PFKFB3: variants seen among roughly 807,000 people sequenced by gnomAD.
PFKFB3 encodes 6-phosphofructo-2-kinase/fructose-2,6-biphosphatase 3.
In PFKFB3, 33 loss-of-function variants were observed where a neutral mutation model predicts 68.0. The ratio of observed to expected loss-of-function variants is 0.49; its 90% CI spans 0.37 to 0.65. The LOEUF is 0.65. PFKFB3 is among the 30% of genes least tolerant of loss of function. The pLI, the probability that PFKFB3 is intolerant of heterozygous loss-of-function variation, is 0.00. For synonymous variants in PFKFB3, 315 were observed against 288.2 expected, an observed-to-expected ratio of 1.09 and a Z score of -0.94; for missense variants, 586 against 712.2, an observed-to-expected ratio of 0.82 and a Z score of 2.02.
Position 6,224,160 on chromosome 10 carries a change from G to A in PFKFB3, c.1288G>A (p.Glu430Lys). 6.2e-7 allele frequency: 1 copy of A among 1,614,132 alleles called. No individual in the cohort carries two copies. Among genetic ancestry groups the A allele is most frequent in the Non-Finnish European group, 8.5e-7 (1 of 1,179,998 alleles). Residue 430 changes from glutamate (E) to lysine (K), a missense_variant, in exon 13 of 15, where the codon GAA becomes AAA. Transcript: ENST00000379775. The part of the protein sequence containing the change: ...LTPVAYGCRV[E>K]SIYLNVESVC... ...CCCACGCCCTCCAGGCTGCCGTGTGGAATCCATCTACCTGAACGTGGAGTC... is the reference window on the plus strand; with the variant it reads ...CCCACGCCCTCCAGGCTGCCGTGTGAAATCCATCTACCTGAACGTGGAGTC...
At chr10:6,163,583 T>C (rs605015) in intron 1 of PFKFB3, among the ~76,000 whole-genome samples, 35,807 of 151,780 alleles carry the variant, frequency 0.24, 4,481 homozygotes, top group East Asian at 0.28. Flanking sequence ...GGTGCGCGCC[T>C]CCACCCTCCA....
chr10:6,204,657 T>C (rs1410444195), intron 1 of PFKFB3, among the ~76,000 whole-genome samples: 1 of 152,208 alleles, frequency 6.6e-6, no homozygotes, highest in Non-Finnish European at 1.5e-5. Flanking sequence ...GTGGGTGTGT[T>C]GCCCAGCCCA....
the PFKFB3 span, among the ~76,000 whole-genome samples, chr10:6,303,996 G>A: frequency 2.0e-5 from 3 of 152,064 alleles, no homozygotes; most frequent in African/African-American, 7.2e-5. Context: ...GGACGGCAGA[G>A]ACACAAGATG....
At chr10:6,198,298 A>G (rs1420422201), upstream of PFKFB3, among the ~76,000 whole-genome samples, 1 of 151,690 alleles carries the variant, frequency 6.6e-6, no homozygotes, top group Non-Finnish European at 1.5e-5. Context: ...TGCCCACAGG[A>G]GATGGAGTGA....
chr10:6,159,470 G>A (rs1469792003), intron 1 of PFKFB3, among the ~76,000 whole-genome samples: 1 of 151,630 alleles, frequency 6.6e-6, no homozygotes, highest in Admixed American at 6.6e-5. Flanking sequence ...AGGCTGAGGC[G>A]GGGGGATCAC....
the PFKFB3 span, among the ~76,000 whole-genome samples, chr10:6,267,973 A>AAAC: frequency 6.6e-6 from 1 of 151,274 alleles, no homozygotes; most frequent in Non-Finnish European, 1.5e-5. Context: ...AAAAAAAAAA[A>AAAC]AAAATCAAAT....
At chr10:6,151,723 C>G (rs1841593870) in intron 1 of PFKFB3, among the ~76,000 whole-genome samples, 1 of 152,182 alleles carries the variant, frequency 6.6e-6, no homozygotes, top group Non-Finnish European at 1.5e-5. Flanking sequence ...AGGGTACCCT[C>G]CCCGCTCCCT....
chr10:6,174,554 G>A (rs572597028), intron 1 of PFKFB3, among the ~76,000 whole-genome samples: 1 of 152,206 alleles, frequency 6.6e-6, no homozygotes, highest in Non-Finnish European at 1.5e-5. Flanking sequence ...AGGAGCTGGG[G>A]CTCGCTTGTC....
At chr10:6,294,325 G>T in the PFKFB3 span, 1 of 422,800 alleles carries the variant, frequency 2.4e-6, no homozygotes, top group Non-Finnish European at 4.7e-6. Flanking sequence ...AATTTATAAA[G>T]GAAAGAGATT....
rs1015129179 is a variant in PFKFB3 at position 6,224,129 on chromosome 10, C to T, written c.1277-20C>T. 1 of 1,614,110 alleles carries T rather than the reference C, an allele frequency of 6.2e-7. No individual in the cohort carries two copies. Among genetic ancestry groups the T allele is most frequent in the South Asian group, 1.1e-5 (1 of 91,090 alleles). The stretch of plus-strand genomic sequence containing the variant: ...TCCCTTTAACAGCAGCTTCCTCTGC[C>T]CCCATCCCACGCCCTCCAGGCTGCC... On this transcript the variant is annotated intron_variant, in intron 12 of 14. Coordinates refer to ENST00000379775, the MANE Select transcript of PFKFB3 (RefSeq NM_004566.4).
At chr10:6,315,980 GA>G in the PFKFB3 span, among the ~76,000 whole-genome samples, 1 of 152,106 alleles carries the variant, frequency 6.6e-6, no homozygotes, top group Non-Finnish European at 1.5e-5. Context: ...ATTCCAAAAA[GA>G]ACCATTACTA....
At chr10:6,238,623 A>C (rs1465577194), downstream of PFKFB3, among the ~76,000 whole-genome samples, 1 of 151,728 alleles carries the variant, frequency 6.6e-6, no homozygotes, top group African/African-American at 2.4e-5. Flanking sequence ...TAAATAGGTA[A>C]ACTTGTGTCA....
intron 14 of PFKFB3, among the ~76,000 whole-genome samples, chr10:6,242,937 C>T (rs1380250319): frequency 6.6e-6 from 1 of 152,172 alleles, no homozygotes; most frequent in African/African-American, 2.4e-5. Context: ...AGTTACTGAC[C>T]AGCCCAAAGG....
At chr10:6,258,130 G>A (rs992539175), downstream of PFKFB3, among the ~76,000 whole-genome samples, 1 of 152,114 alleles carries the variant, frequency 6.6e-6, no homozygotes, top group Non-Finnish European at 1.5e-5. Flanking sequence ...ATTTCTTCAT[G>A]GTAAGCACTG....
intron 1 of PFKFB3, among the ~76,000 whole-genome samples, chr10:6,166,455 G>C (rs1350741662): frequency 6.6e-6 from 1 of 152,086 alleles, no homozygotes; most frequent in African/African-American, 2.4e-5. Flanking sequence ...AGTGGAATGG[G>C]TTCCTTTGTG....
the PFKFB3 span, among the ~76,000 whole-genome samples, chr10:6,320,963 T>C: frequency 1.2e-4 from 19 of 152,352 alleles, no homozygotes; most frequent in African/African-American, 4.3e-4. Flanking sequence ...CGTTGGGTTC[T>C]GTGTCCATTT....
In PFKFB3 at chr10:6,215,529, C is replaced by A. The variant is rs1844519449; in HGVS notation, c.299+212C>A. On this transcript the variant is annotated intron_variant, in intron 3 of 14. Transcript: ENST00000379775. This position sits in a 1 kb window ranked among gnomAD's most constrained non-coding sequence, Gnocchi z 4.3. ...CTCTGTAGGAGGCAGAGAAAGCCGG[C>A]CTGCGGGTGGGTCCTGCTGGTGGCT... Among the ~76,000 whole-genome samples, 3 of 152,162 alleles carry A rather than the reference C, an allele frequency of 2.0e-5. No individual in the cohort carries two copies. The highest frequency in any genetic ancestry group is 7.2e-5 in the African/African-American group (3 of 41,518).
At chr10:6,186,543 A>G (rs564027821) in intron 1 of PFKFB3, among the ~76,000 whole-genome samples, 1 of 152,322 alleles carries the variant, frequency 6.6e-6, no homozygotes, top group African/African-American at 2.4e-5. Flanking sequence ...TTATCAGGGG[A>G]AACTGAATTT....
chr10:6,177,446 T>TTCTTTCTTTCTG (rs1842545329), intron 1 of PFKFB3, among the ~76,000 whole-genome samples: 1 of 121,216 alleles, frequency 8.2e-6, no homozygotes, highest in Non-Finnish European at 1.8e-5. Flanking sequence ...TTCTCTTTCT[T>TTCTTTCTTTCTG]TCTTTCTTTC....
Sources: allele counts gnomAD v4.1 joint callset (sites outside exome capture counted in the v4.1 genomes callset), GRCh38; gene constraint gnomAD v4.1.1; non-coding constraint Gnocchi (gnomAD v3.1); transcripts MANE v1.5; gene names NCBI Gene and HGNC (gene_info 2026-07-23, HGNC 2026-07-21).